The following SGCZ variants were observed in gnomAD, a reference collection of about 807,000 sequenced individuals.
SGCZ encodes the protein sarcoglycan zeta.
In SGCZ, 40 loss-of-function variants were observed where a neutral mutation model predicts 41.3. The observed-to-expected ratio is 0.97, with a 90% CI of 0.75 to 1.26. SGCZ has a LOEUF of 1.26. SGCZ is among the 50% of genes most tolerant of loss of function. The probability of loss-of-function intolerance (pLI) is 0.00; values close to 1 mark genes in which losing one functional copy is unlikely to be tolerated. For synonymous variants in SGCZ, 206 were observed against 137.5 expected, an observed-to-expected ratio of 1.50 and a Z score of -3.49; for missense variants, 552 against 369.8, an observed-to-expected ratio of 1.49 and a Z score of -4.04.
chr8:15,001,420 T>G (rs896068267), intron 1 of SGCZ, among the ~76,000 whole-genome samples: 3 of 152,072 alleles, frequency 2.0e-5, no homozygotes, highest in Non-Finnish European at 4.4e-5. Flanking sequence ...TCGTGTGCAT[T>G]CTAGGGTGAA....
At chr8:14,328,081 C>T (rs531944780) in intron 2 of SGCZ, among the ~76,000 whole-genome samples, 29 of 152,178 alleles carry the variant, frequency 1.9e-4, no homozygotes, top group Admixed American at 5.2e-4. Context: ...TATGAAAAAA[C>T]GAATTTTCAA....
intron 2 of SGCZ, among the ~76,000 whole-genome samples, chr8:14,432,199 T>C (rs897438933): frequency 6.6e-6 from 1 of 152,022 alleles, no homozygotes; most frequent in African/African-American, 2.4e-5. Flanking sequence ...CAGAGGAAAA[T>C]ATGTCATTAT....
At chr8:14,510,360 T>C (rs1802433229) in intron 2 of SGCZ, among the ~76,000 whole-genome samples, 1 of 152,048 alleles carries the variant, frequency 6.6e-6, no homozygotes, top group South Asian at 2.1e-4. Flanking sequence ...GGAATTAAAT[T>C]AAAGTTAAAG....
chr8:14,377,682 C>A (rs1804184705), intron 2 of SGCZ, among the ~76,000 whole-genome samples: 1 of 151,618 alleles, frequency 6.6e-6, no homozygotes, highest in South Asian at 2.1e-4. Flanking sequence ...CTCCCCACTC[C>A]CCCCACCCCA....
chr8:14,290,453 T>C (rs571204008), intron 3 of SGCZ, among the ~76,000 whole-genome samples: 1 of 152,150 alleles, frequency 6.6e-6, no homozygotes, highest in South Asian at 2.1e-4. Flanking sequence ...AAGGGGCTAA[T>C]ATCCAAAATA....
chr8:14,418,524 T>A (rs575620042), intron 2 of SGCZ, among the ~76,000 whole-genome samples: 3 of 151,900 alleles, frequency 2.0e-5, no homozygotes, highest in Admixed American at 2.0e-4. Flanking sequence ...TTTTATCACG[T>A]TTTACTTATA....
intron 1 of SGCZ, among the ~76,000 whole-genome samples, chr8:14,799,668 G>C (rs575898327): frequency 2.0e-5 from 3 of 150,140 alleles, no homozygotes; most frequent in Non-Finnish European, 4.4e-5. Context: ...AGGAGGGAGC[G>C]GCAAGGGCAA....
chr8:14,861,677 C>T (rs1272479850), intron 1 of SGCZ, among the ~76,000 whole-genome samples: 1 of 151,816 alleles, frequency 6.6e-6, no homozygotes, highest in Non-Finnish European at 1.5e-5. Flanking sequence ...ACTTTAATAG[C>T]AATTTTCTCC....
intron 4 of SGCZ, among the ~76,000 whole-genome samples, chr8:14,236,650 TTC>T (rs893820937): frequency 5.9e-5 from 9 of 151,356 alleles, no homozygotes; most frequent in Non-Finnish European, 1.2e-4. Flanking sequence ...CTCTTTCTCA[TTC>T]TCTCTCTCTC....
chr8:14,479,728 C>CTTTTTT (rs1801471840), intron 2 of SGCZ, among the ~76,000 whole-genome samples: 1 of 83,934 alleles, frequency 1.2e-5, no homozygotes, highest in Admixed American at 1.1e-4. Flanking sequence ...CAGAATTCTA[C>CTTTTTT]TTCTTTTTTT....
At chr8:14,740,043 G>A (rs559047813) in intron 1 of SGCZ, among the ~76,000 whole-genome samples, 4 of 151,902 alleles carry the variant, frequency 2.6e-5, no homozygotes, top group South Asian at 4.1e-4. Flanking sequence ...ATTCTGTGGG[G>A]ATGGGGTCAA....
intron 1 of SGCZ, among the ~76,000 whole-genome samples, chr8:15,006,349 G>C (rs563636989): frequency 2.0e-5 from 3 of 152,004 alleles, no homozygotes; most frequent in African/African-American, 7.2e-5. Flanking sequence ...AAATCCCTTG[G>C]TACTGAAGCA....
chr8:14,268,791 T>C (rs1217049840), intron 3 of SGCZ, among the ~76,000 whole-genome samples: 1 of 151,970 alleles, frequency 6.6e-6, no homozygotes, highest in Admixed American at 6.6e-5. Context: ...AAAATCTAGT[T>C]ACATATTTAG....
At chr8:14,868,240 C>T (rs896663076) in intron 1 of SGCZ, among the ~76,000 whole-genome samples, 57 of 152,154 alleles carry the variant, frequency 3.7e-4, no homozygotes, top group Non-Finnish European at 4.4e-4. Flanking sequence ...ATGTTGCCCT[C>T]ATGCAACTCG....
At chr8:14,910,752 T>C (rs77742736) in intron 1 of SGCZ, among the ~76,000 whole-genome samples, 10,157 of 151,996 alleles carry the variant, frequency 0.067, 426 homozygotes, top group East Asian at 0.16. Flanking sequence ...ATTATGAAAA[T>C]AGGAAGACAA....
rs1268154265 is a variant in SGCZ, at chr8:14,244,366, T to C, written c.337-6687A>G. Among the ~76,000 whole-genome samples the C allele has an allele frequency of 2.6e-5, 4 of 152,320 alleles. No homozygotes were observed. The East Asian group carries it at 5.8e-4, about 22-fold the overall frequency. ...CAAATTATTATTTAATGGTTATTCA[T>C]CATCCCTGTGCCCAAGGCAGCTACG... On this transcript the variant is annotated intron_variant, in intron 3 of 7. Transcript: ENST00000382080.
At chr8:15,105,754 T>C (rs564891098) in intron 1 of SGCZ, among the ~76,000 whole-genome samples, 1 of 152,288 alleles carries the variant, frequency 6.6e-6, no homozygotes, top group African/African-American at 2.4e-5. Context: ...TTATGATGCA[T>C]GGGAAGGCAT....
intron 4 of SGCZ, among the ~76,000 whole-genome samples, chr8:14,196,898 C>T (rs575332262): frequency 6.6e-6 from 1 of 151,898 alleles, no homozygotes; most frequent in South Asian, 2.1e-4. Flanking sequence ...AGCAAATATC[C>T]AGAAATGCCA....
chr8:14,941,572 T>C (rs572276942), intron 1 of SGCZ, among the ~76,000 whole-genome samples: 2 of 152,194 alleles, frequency 1.3e-5, no homozygotes, highest in African/African-American at 2.4e-5. Flanking sequence ...TTTACATACA[T>C]ATACATTTAC....
Sources: gnomAD v4.1 joint callset for allele counts (sites outside exome capture counted in the v4.1 genomes callset) on GRCh38, gnomAD v4.1.1 for gene constraint, MANE v1.5 for transcripts, NCBI Gene and HGNC (gene_info 2026-07-23, HGNC 2026-07-21) for gene names.